Variants in ODF2 observed in about 807,000 individuals in gnomAD.
ODF2 encodes the protein outer dense fiber of sperm tails 2, also known as outer dense fiber protein 2.
ODF2 carries 47 observed loss-of-function variants against 110.2 expected under a neutral mutation model. The observed-to-expected ratio is 0.43, with a 90% CI of 0.34 to 0.54. The LOEUF (loss-of-function observed/expected upper bound fraction) is 0.54, where lower values mean the gene tolerates loss of function less well. ODF2 is among the 20% of genes least tolerant of loss of function. ODF2 has a pLI of 0.03. For missense variants in ODF2, 812 were observed against 1,054.5 expected (o/e 0.77, Z 3.19); for synonymous variants, 352 against 397.7 (o/e 0.89, Z 1.37).
rs191301989 is a variant in ODF2 at position 128,457,078 on chromosome 9, T to G, written c.-208-120T>G. 115 of 1,337,784 alleles carry G rather than the reference T, an allele frequency of 8.6e-5. 1 individual carries two copies. The East Asian group carries it at 4.1e-3, about 48-fold the overall frequency. 82.9% of individuals were successfully genotyped at this position (1,337,784 alleles called of 1,614,324 possible). A position where few individuals can be genotyped will look rare whatever the true frequency, so the allele number is the denominator to read the frequency against. ...GGTTTCCCCCGGTAGCCACCGGCAG[T>G]CCTCCGCGTGGGACCCGGGCGCGGT... On this transcript the variant is annotated intron_variant, in intron 1 of 20. Coordinates refer to ENST00000604420, the Ensembl canonical transcript of ODF2.
intron 2 of ODF2, among the ~76,000 whole-genome samples, chr9:128,457,918 A>G (rs1835327002): frequency 7.1e-6 from 1 of 141,772 alleles, no homozygotes; most frequent in Non-Finnish European, 1.5e-5. Flanking sequence ...CTAAAGGATC[A>G]GTAGAGGTCT....
At chr9:128,473,249 G>T (rs1237085696) in intron 7 of ODF2, 1 of 985,104 alleles carries the variant, frequency 1.0e-6, no homozygotes, top group Admixed American at 6.2e-5. Flanking sequence ...GGGCCTCTGA[G>T]GAGACCTCAT....
intron 18 of ODF2, 44 bp downstream of exon 18, chr9:128,496,185 G>A: frequency 6.2e-7 from 1 of 1,611,568 alleles, no homozygotes; most frequent in Non-Finnish European, 8.5e-7. Flanking sequence ...CCTAGGACCT[G>A]AGACTTTCAG....
intron 16 of ODF2, among the ~76,000 whole-genome samples, chr9:128,493,902 C>A (rs1250600046): frequency 6.6e-6 from 1 of 152,178 alleles, no homozygotes; most frequent in South Asian, 2.1e-4. Flanking sequence ...TCAAGTGATT[C>A]TCCTGCCTCA....
chr9:128,485,816 A>G lies in ODF2; in HGVS notation c.1400+342A>G, dbSNP rs539478413. Among the ~76,000 whole-genome samples, 8 of 152,076 alleles carry G rather than the reference A, an allele frequency of 5.3e-5. No homozygotes were observed. The highest frequency in any genetic ancestry group is 1.9e-4 in the African/African-American group (8 of 41,500). On this transcript the variant is annotated intron_variant, in intron 13 of 20. Transcript: ENST00000604420. The surrounding 1 kb of genome is among the most constrained non-coding windows in gnomAD (Gnocchi z 5.0). ...TGGGCACCGTGGTGTCCTCATTCCT[A>G]TTGGGGAATGGGGCAGATGGTGACC... is the stretch of plus-strand genomic sequence containing the variant.
exon 7 of ODF2, chr9:128,472,947 T>G: frequency 6.2e-7 from 1 of 1,613,920 alleles, no homozygotes; most frequent in Non-Finnish European, 8.5e-7. Flanking sequence ...GGAGAAGGAG[T>G]GCCTCATGTC....
intron 1 of ODF2, chr9:128,457,085 C>G: frequency 7.4e-7 from 1 of 1,352,730 alleles, no homozygotes; most frequent in South Asian, 1.3e-5. Context: ...CAGTCCTCCG[C>G]GTGGGACCCG....
At position 128,492,816 on chromosome 9, in the gene ODF2, C is replaced by A; in HGVS notation, c.1752+11C>A. 6.2e-7 allele frequency: 1 copy of A among 1,606,464 alleles called. No individual in the cohort carries two copies. On this transcript the variant is annotated intron_variant, in intron 16 of 20. Coordinates refer to ENST00000604420, the Ensembl canonical transcript of ODF2. ...AAAGAGATTGAGGCGGTACTGCTTT[C>A]CTTCCTTGTTTTCTTCTCCTACCCA...
intron 3 of ODF2, chr9:128,460,267 T>C: frequency 4.4e-6 from 6 of 1,353,556 alleles, no homozygotes; most frequent in Non-Finnish European, 5.8e-6. Context: ...CTAAGAACCC[T>C]GGGGCCGGCG....
intron 2 of ODF2, among the ~76,000 whole-genome samples, chr9:128,459,251 G>A (rs1835778355): frequency 6.6e-6 from 1 of 152,178 alleles, no homozygotes; most frequent in African/African-American, 2.4e-5. Context: ...CAGCACATTG[G>A]CTTCTGTTCA....
chr9:128,492,342 C>T lies in ODF2; in HGVS notation c.1537-84C>T, dbSNP rs957593101. 4 of 941,296 alleles carry T rather than the reference C, an allele frequency of 4.2e-6. No homozygotes were observed. The East Asian group carries it at 9.6e-5, about 23-fold the overall frequency. 58.3% of individuals were successfully genotyped at this position (941,296 alleles called of 1,614,324 possible). A position where few individuals can be genotyped will look rare whatever the true frequency, so the allele number is the denominator to read the frequency against. ...GTTAGAGTAGGGGGCCTTTCCTTTT[C>T]TGGTTCTTTGGATAGAGTTGAGGGT... On this transcript the variant is annotated intron_variant, in intron 14 of 20. Coordinates refer to ENST00000604420, the Ensembl canonical transcript of ODF2.
At chr9:128,482,535 T>TG (rs1217938746) in intron 9 of ODF2, among the ~76,000 whole-genome samples, 2 of 152,154 alleles carry the variant, frequency 1.3e-5, no homozygotes, top group Admixed American at 6.5e-5. Context: ...TATCTCTGCA[T>TG]GGGGGGTTAC....
intron 4 of ODF2, among the ~76,000 whole-genome samples, chr9:128,463,099 C>CA (rs922594873): frequency 6.6e-6 from 1 of 151,678 alleles, no homozygotes; most frequent in Non-Finnish European, 1.5e-5. Flanking sequence ...CCTATCTCTA[C>CA]AAAAAATAGA....
rs544709253 is a variant in ODF2 at position 128,472,804 on chromosome 9, A to G, written c.582-109A>G. 10 of 1,527,898 alleles carry G rather than the reference A, an allele frequency of 6.5e-6. No individual in the cohort carries two copies. In the Admixed American group the frequency reaches 1.3e-4, roughly 20 times the overall value. 94.6% of individuals were successfully genotyped at this position (1,527,898 alleles called of 1,614,324 possible). A position where few individuals can be genotyped will look rare whatever the true frequency, so the allele number is the denominator to read the frequency against. On this transcript the variant is annotated intron_variant, in intron 6 of 20. Coordinates refer to ENST00000604420, the Ensembl canonical transcript of ODF2. ...AAGGGCTGTCCCTGCCCCCTCCCCT[A>G]CTTTTCCCTGACCAGAGGTGAGCCC...
exon 21 of ODF2, chr9:128,500,210 C>T (rs1173065116): frequency 6.2e-7 from 1 of 1,614,102 alleles, no homozygotes; most frequent in Non-Finnish European, 8.5e-7. Context: ...CCTATTCCAC[C>T]TTCCTGACTA....
intron 1 of ODF2, chr9:128,457,193 G>A (rs749122374): frequency 1.4e-6 from 2 of 1,442,440 alleles, no homozygotes; most frequent in Non-Finnish European, 9.2e-7. Context: ...CCCCTACTTT[G>A]GCAGGACAGT....
intron 14 of ODF2, among the ~76,000 whole-genome samples, chr9:128,491,341 C>A (rs1247188793): frequency 6.6e-6 from 1 of 151,668 alleles, no homozygotes. Flanking sequence ...CCACATCCGG[C>A]CCACAACATA....
At chr9:128,459,185 T>C (rs1469084632) in intron 2 of ODF2, among the ~76,000 whole-genome samples, 2 of 152,168 alleles carry the variant, frequency 1.3e-5, no homozygotes, top group South Asian at 2.1e-4. Flanking sequence ...TGCATCTTTC[T>C]CCAGGGCCGC....
intron 4 of ODF2, among the ~76,000 whole-genome samples, chr9:128,461,619 G>A (rs538889467): frequency 1.3e-5 from 2 of 152,016 alleles, no homozygotes; most frequent in South Asian, 2.1e-4. Flanking sequence ...GGGTTTCATC[G>A]TGTTGGCCAG....
Sources: allele counts gnomAD v4.1 joint callset (sites outside exome capture counted in the v4.1 genomes callset), GRCh38; gene constraint gnomAD v4.1.1; non-coding constraint Gnocchi (gnomAD v3.1); transcripts MANE v1.5; gene names NCBI Gene and HGNC (gene_info 2026-07-23, HGNC 2026-07-21).